Variants in PITPNM2 observed in about 807,000 individuals in gnomAD.
PITPNM2 encodes the protein phosphatidylinositol transfer protein membrane associated 2, also known as membrane-associated phosphatidylinositol transfer protein 2.
PITPNM2 carries 35 observed loss-of-function variants against 132.2 expected under a neutral mutation model. The ratio of observed to expected loss-of-function variants is 0.26; its 90% CI spans 0.20 to 0.35. The LOEUF is 0.35. Ranked by LOEUF, PITPNM2 falls within the 10% of genes least tolerant of loss-of-function variation. The probability of loss-of-function intolerance (pLI) is 1.00; values close to 1 mark genes in which losing one functional copy is unlikely to be tolerated. For missense variants in PITPNM2, 1,332 were observed against 1,912.0 expected (o/e 0.70, Z 5.66); for synonymous variants, 738 against 799.2 (o/e 0.92, Z 1.29).
chr12:123,141,919 T>C (rs1002380551), intron 1 of PITPNM2, among the ~76,000 whole-genome samples: 1 of 152,222 alleles, frequency 6.6e-6, no homozygotes, highest in Non-Finnish European at 1.5e-5. Context: ...CTTCTGGCTC[T>C]CCTATTTGTT....
chr12:123,089,527 C>G (rs527898208), intron 2 of PITPNM2: 1 of 152,284 alleles, frequency 6.6e-6, no homozygotes, highest in African/African-American at 2.4e-5. Context: ...CCTAGAGTCT[C>G]AGGGGTCTTT....
intron 2 of PITPNM2, among the ~76,000 whole-genome samples, chr12:123,062,601 A>G (rs1004612486): frequency 1.3e-5 from 2 of 152,236 alleles, no homozygotes; most frequent in Non-Finnish European, 2.9e-5. Context: ...TTAGACAGGT[A>G]AAGCTGCATA....
At chr12:123,105,899 C>T (rs1294107677) in intron 2 of PITPNM2, among the ~76,000 whole-genome samples, 1 of 152,166 alleles carries the variant, frequency 6.6e-6, no homozygotes, top group East Asian at 1.9e-4. Flanking sequence ...AAACCCCCAG[C>T]CCCAGACCAC....
Position 122,987,715 on chromosome 12 carries a change from A to G in PITPNM2, c.3115-56T>C, listed in dbSNP as rs570627898. The G allele has an allele frequency of 5.3e-5, 85 of 1,611,058 alleles. No homozygotes were observed. In the African/African-American group the frequency reaches 9.2e-4, roughly 17 times the overall value. On this transcript the variant is annotated intron_variant, in intron 21 of 25. Transcript: ENST00000320201. Reference sequence around the variant, plus strand: ...TGTGTCTGGCCTCTCCACCCCCTGCACCCCGGCCAGAGGGCAGCAGGGAGC... The same window carrying G: ...TGTGTCTGGCCTCTCCACCCCCTGCGCCCCGGCCAGAGGGCAGCAGGGAGC...
At chr12:123,010,128 C>T (rs1429297072) in intron 5 of PITPNM2, 51 bp from the exon 6 acceptor site, 1 of 1,438,756 alleles carries the variant, frequency 7.0e-7, no homozygotes. Flanking sequence ...TCAACCCCCA[C>T]CCACATCTCT....
Position 122,992,672 on chromosome 12 carries a change from G to A in PITPNM2, c.2234-3C>T, listed in dbSNP as rs1269897857. On this transcript the variant is annotated splice_polypyrimidine_tract_variant and splice_region_variant and intron_variant, in intron 15 of 25. Coordinates refer to ENST00000320201, the MANE Select transcript of PITPNM2 (RefSeq NM_020845.3). The surrounding 1 kb of genome is among the most constrained non-coding windows in gnomAD (Gnocchi z 6.5). ...GCAGGCCGGCCGCAGCTGGAAAACT[G>A]GGGGTGGGGGTGTTGGCTGCAGAGC... is the stretch of plus-strand genomic sequence containing the variant. 6.4e-7 allele frequency: 1 copy of A among 1,552,326 alleles called. No homozygotes were observed. The highest frequency in any genetic ancestry group is 1.8e-5 in the Admixed American group (1 of 54,696).
chr12:122,995,402 C>T lies in PITPNM2; in HGVS notation c.2041G>A (p.Ala681Thr). ...YELDTIQQHQAFLSSLHASVL... is the reference protein window; with the variant it reads ...YELDTIQQHQTFLSSLHASVL... ...AGCCCTGCCCACCTGGACAGGAAGG[C>T]CTGGTGCTGCTGGATGGTATCCAGC... Residue 681 changes from alanine (A) to threonine (T), a missense_variant, in exon 14 of 26, where the codon GCC becomes ACC. Transcript: ENST00000320201. 1 of 1,600,774 alleles carries T rather than the reference C, an allele frequency of 6.2e-7. No homozygotes were observed. Among genetic ancestry groups the T allele is most frequent in the Non-Finnish European group, 8.5e-7 (1 of 1,172,412 alleles).
chr12:123,070,483 G>A (rs2041591020), intron 2 of PITPNM2, among the ~76,000 whole-genome samples: 1 of 152,184 alleles, frequency 6.6e-6, no homozygotes, highest in South Asian at 2.1e-4. Flanking sequence ...ATCAGGGAAG[G>A]TCTGCTCCTC....
At chr12:123,094,699 C>A (rs1255603069) in intron 2 of PITPNM2, among the ~76,000 whole-genome samples, 1 of 152,228 alleles carries the variant, frequency 6.6e-6, no homozygotes, top group South Asian at 2.1e-4. Context: ...TCTCCGAAAC[C>A]AAGCACAGGC....
At chr12:123,079,888 G>C (rs781052470) in intron 2 of PITPNM2, among the ~76,000 whole-genome samples, 2 of 152,042 alleles carry the variant, frequency 1.3e-5, no homozygotes, top group Admixed American at 6.6e-5. Context: ...CAGAGTTTCA[G>C]CATCCCAAAA....
rs772343098 is a variant in PITPNM2, at chr12:123,005,385, C to A, written c.807G>T (p.Glu269Asp). The change falls in exon 7 of 26, where the codon GAG becomes GAT. Residue 269 changes from glutamate to aspartate, a missense_variant. This residue lies in a region of PITPNM2 where 710 missense variants were observed against 911.5 expected (regional missense o/e 0.78). Transcript: ENST00000320201. This position sits in a 1 kb window ranked among gnomAD's most constrained non-coding sequence, Gnocchi z 6.2. Reference sequence around the variant, plus strand: ...CCGAGACGGCTTCGTGCTTGACGAGCTCAGTGGCCTCCTCACCATCCTCAT... The same window carrying A: ...CCGAGACGGCTTCGTGCTTGACGAGATCAGTGGCCTCCTCACCATCCTCAT... ...QFNEDGEEAT[E>D]LVKHEAVSDQ... 64 of 1,614,088 alleles carry A rather than the reference C, an allele frequency of 4.0e-5. No homozygotes were observed. Among genetic ancestry groups the A allele is most frequent in the Non-Finnish European group, 5.3e-5 (63 of 1,180,048 alleles).
chr12:123,014,052 C>A lies in PITPNM2; in HGVS notation c.79-10G>T, dbSNP rs745757276. Reference sequence around the variant, plus strand: ...CGTTACGGCTCTTCTTCTGTGGGGACAAAAGCACCTGCAATGTGTGTGGGG... The same window carrying A: ...CGTTACGGCTCTTCTTCTGTGGGGAAAAAAGCACCTGCAATGTGTGTGGGG... On this transcript the variant is annotated splice_polypyrimidine_tract_variant and intron_variant, in intron 3 of 25. Transcript: ENST00000320201. The A allele has an allele frequency of 6.2e-7, 1 of 1,614,022 alleles. No individual in the cohort carries two copies. The highest frequency in any genetic ancestry group is 1.1e-5 in the South Asian group (1 of 91,078).
intron 2 of PITPNM2, among the ~76,000 whole-genome samples, chr12:123,038,936 C>CA (rs2040368189): frequency 1.3e-5 from 2 of 152,014 alleles, no homozygotes; most frequent in Admixed American, 6.5e-5. Context: ...ACTGTCTCTT[C>CA]AAAAAATCAT....
intron 2 of PITPNM2, among the ~76,000 whole-genome samples, chr12:123,084,993 C>G (rs567776241): frequency 1.3e-5 from 2 of 152,294 alleles, no homozygotes; most frequent in East Asian, 3.9e-4. Flanking sequence ...CTTAATCGGG[C>G]CAAGTATGGC....
At chr12:123,048,933 A>G (rs1040945859) in intron 2 of PITPNM2, among the ~76,000 whole-genome samples, 2 of 152,122 alleles carry the variant, frequency 1.3e-5, no homozygotes, top group Admixed American at 1.3e-4. Context: ...CAGGAGTTTG[A>G]GACCAGCCTG....
chr12:123,150,077 A>T lies in PITPNM2; in HGVS notation c.-200+676T>A, dbSNP rs1186312063. On this transcript the variant is annotated intron_variant, in intron 1 of 25. Transcript: ENST00000320201. This position sits in a 1 kb window ranked among gnomAD's most constrained non-coding sequence, Gnocchi z 6.0. ...CACCGCGCGCACTATGTTCACCTGG[A>T]GTGGCCGTTTGGGATTTCTTGCGGG... is the stretch of plus-strand genomic sequence containing the variant. 2 of 152,688 alleles carry T rather than the reference A, an allele frequency of 1.3e-5. No homozygotes were observed. Among genetic ancestry groups the T allele is most frequent in the Non-Finnish European group, 2.9e-5 (2 of 68,544 alleles). The allele number at this position is 152,688 out of a possible 1,614,324, so 9.5% of individuals were successfully genotyped here.
intron 1 of PITPNM2, among the ~76,000 whole-genome samples, chr12:123,142,418 G>A (rs751236670): frequency 3.3e-5 from 5 of 152,230 alleles, no homozygotes; most frequent in Admixed American, 2.6e-4. Flanking sequence ...ATGAAGTCTC[G>A]AGTGATGCAT....
intron 8 of PITPNM2, among the ~76,000 whole-genome samples, chr12:123,003,777 A>C (rs2038797530): frequency 1.3e-5 from 2 of 152,306 alleles, no homozygotes; most frequent in Non-Finnish European, 2.9e-5. Context: ...GAGGGACCCA[A>C]GCCCCCAACC....
Position 123,106,500 on chromosome 12 carries a change from G to C in PITPNM2, c.-96+3885C>G, listed in dbSNP as rs2042714692. 6.6e-6 allele frequency among the ~76,000 whole-genome samples: 1 copy of C among 152,192 alleles called. No individual in the cohort carries two copies. Among genetic ancestry groups the C allele is most frequent in the Non-Finnish European group, 1.5e-5 (1 of 68,030 alleles). On this transcript the variant is annotated intron_variant, in intron 2 of 25. Transcript: ENST00000320201. The surrounding 1 kb of genome is among the most constrained non-coding windows in gnomAD (Gnocchi z 4.4). ...AGGCAAATGCAGGGGTCAGTCCCCA[G>C]AGCTCCGGGGAACAGGAAGAAGAGG... is the stretch of plus-strand genomic sequence containing the variant.
Sources: allele counts gnomAD v4.1 joint callset (sites outside exome capture counted in the v4.1 genomes callset), GRCh38; gene constraint gnomAD v4.1.1; regional missense constraint gnomAD v4.1.1; non-coding constraint Gnocchi (gnomAD v3.1); transcripts MANE v1.5; gene names NCBI Gene and HGNC (gene_info 2026-07-23, HGNC 2026-07-21).